MERTK: variants seen among roughly 807,000 people sequenced by gnomAD.
MERTK encodes tyrosine-protein kinase Mer.
Under a neutral mutation model 99.3 loss-of-function variants are expected in MERTK, and 69 were observed. The ratio of observed to expected loss-of-function variants is 0.70; its 90% confidence interval spans 0.57 to 0.85. The LOEUF (loss-of-function observed/expected upper bound fraction) is 0.85. MERTK is among the 40% of genes least tolerant of loss of function. MERTK has a pLI of 0.00. For missense variants in MERTK, 1,125 were observed against 1,249.4 expected, an observed-to-expected ratio of 0.90 and a Z score of 1.50; for synonymous variants, 426 against 467.6, an observed-to-expected ratio of 0.91 and a Z score of 1.15.
chr2:111,904,081 A>G (rs1245767073), intron 1 of MERTK, among the ~76,000 whole-genome samples: 1 of 152,026 alleles, frequency 6.6e-6, no homozygotes, highest in African/African-American at 2.4e-5. Context: ...GTTTCCTAGT[A>G]GTTTGAGCAA....
intron 2 of MERTK, chr2:111,941,017 G>A (rs1026430272): frequency 7.5e-5 from 41 of 547,102 alleles, no homozygotes; most frequent in African/African-American, 3.8e-4. Flanking sequence ...GTCAAGAGCC[G>A]TCAGCTTTCA....
chr2:111,940,671 A>AT lies in MERTK; in HGVS notation c.483-4286dup, dbSNP rs556895457. ...TAAAATCAGGATTATTTACGTCCAA[A>AT]TTTATCAATGGTTCTGCATTTTTAG... On this transcript the variant is annotated intron_variant, in intron 2 of 18. Coordinates refer to ENST00000295408, the MANE Select transcript of MERTK (RefSeq NM_006343.3). The AT allele has an allele frequency of 1.0e-4, 73 of 725,510 alleles. No homozygotes were observed. In the East Asian group the frequency reaches 2.0e-3, roughly 20 times the overall value. 44.9% of individuals were successfully genotyped at this position (725,510 alleles called of 1,614,324 possible).
chr2:112,007,856 T>G (rs1446849313), intron 13 of MERTK, among the ~76,000 whole-genome samples: 5 of 85,768 alleles, frequency 5.8e-5, no homozygotes, highest in Non-Finnish European at 1.0e-4. Context: ...GTGTTGGGGT[T>G]TTTTTTTTGG....
chr2:111,986,872 T>G (rs531562384), intron 8 of MERTK, among the ~76,000 whole-genome samples: 2 of 152,292 alleles, frequency 1.3e-5, no homozygotes, highest in East Asian at 3.9e-4. Flanking sequence ...AAACATTCTC[T>G]GATGCAGCTA....
chr2:111,969,338 T>C (rs1676032217), intron 6 of MERTK, among the ~76,000 whole-genome samples: 1 of 152,102 alleles, frequency 6.6e-6, no homozygotes, highest in African/African-American at 2.4e-5. Flanking sequence ...AGCTCTTCCG[T>C]CTCAGGAGGG....
At chr2:111,944,424 G>A (rs1684920570) in intron 2 of MERTK, among the ~76,000 whole-genome samples, 1 of 1,872 alleles carries the variant, frequency 5.3e-4, no homozygotes, top group South Asian at 0.028. Flanking sequence ...GAGAGAGAAA[G>A]AGGAATTATT....
intron 11 of MERTK, among the ~76,000 whole-genome samples, chr2:112,001,625 A>G (rs1413371673): frequency 6.6e-6 from 1 of 152,206 alleles, no homozygotes; most frequent in African/African-American, 2.4e-5. Context: ...CTCAAGCCTC[A>G]TTTCCTGTTT....
chr2:111,998,446 G>A (rs1676798147), intron 10 of MERTK, among the ~76,000 whole-genome samples: 1 of 152,160 alleles, frequency 6.6e-6, no homozygotes, highest in African/African-American at 2.4e-5. Context: ...GCGGTAGCCT[G>A]GAATACAGTG....
At position 111,932,282 on chromosome 2, in the gene MERTK, T is replaced by C. The variant is rs565654107; in HGVS notation, c.482+2742T>C. 9.5e-4 allele frequency among the ~76,000 whole-genome samples: 144 copies of C among 152,188 alleles called. 1 individual carries two copies. The highest frequency in any genetic ancestry group is 3.2e-3 in the African/African-American group (131 of 41,534). On this transcript the variant is annotated intron_variant, in intron 2 of 18. Transcript: ENST00000295408. ...CTGCAAACTCTGCCTCCCAGGTTCA[T>C]GCCATTCTCCTGCCTCAGCCTCCCG...
At chr2:111,961,858 C>G (rs1003920151) in intron 4 of MERTK, among the ~76,000 whole-genome samples, 1 of 152,240 alleles carries the variant, frequency 6.6e-6, no homozygotes, top group African/African-American at 2.4e-5. Context: ...GTAGTGACCA[C>G]TTGGCTGCAG....
chr2:111,979,072 G>A (rs558723804), intron 7 of MERTK, among the ~76,000 whole-genome samples: 9 of 152,218 alleles, frequency 5.9e-5, no homozygotes, highest in African/African-American at 1.4e-4. Context: ...TAACTGTTTC[G>A]TGTGGTTCTT....
At chr2:111,940,821 C>CT in intron 2 of MERTK, 1 of 990,054 alleles carries the variant, frequency 1.0e-6, no homozygotes, top group South Asian at 1.3e-5. Context: ...GATCTTGAAT[C>CT]TTTAAACGAC....
At chr2:111,902,785 CCTT>C (rs1684068723) in intron 1 of MERTK, among the ~76,000 whole-genome samples, 5 of 63,876 alleles carry the variant, frequency 7.8e-5, no homozygotes, top group African/African-American at 1.6e-4. Context: ...TTCCTTCCTT[CCTT>C]CCTCCCTCCC....
intron 1 of MERTK, among the ~76,000 whole-genome samples, chr2:111,906,072 T>A (rs1163923796): frequency 2.8e-4 from 2 of 7,074 alleles, no homozygotes; most frequent in Non-Finnish European, 0.021. Flanking sequence ...CTCCTTGTAC[T>A]CTGTGCCTCC....
chr2:111,980,815 T>G (rs577275598), intron 7 of MERTK, among the ~76,000 whole-genome samples: 1 of 152,330 alleles, frequency 6.6e-6, no homozygotes, highest in African/African-American at 2.4e-5. Context: ...TGCTCTGTGA[T>G]TCTTTGGGAG....
At chr2:111,935,079 A>G (rs1046716164) in intron 2 of MERTK, among the ~76,000 whole-genome samples, 3 of 152,210 alleles carry the variant, frequency 2.0e-5, no homozygotes, top group Non-Finnish European at 2.9e-5. Flanking sequence ...TACTCTAAGG[A>G]AAGCTGTAAC....
rs564248063 is a variant in MERTK at position 112,010,424 on chromosome 2, A to G, written c.2079+358A>G. Reference sequence around the variant, plus strand: ...GAAGGCCATTGAAGGTGGCTCTCCTAAAAGAAATTTTACAGAGCTCATTCT... The same window carrying G: ...GAAGGCCATTGAAGGTGGCTCTCCTGAAAGAAATTTTACAGAGCTCATTCT... On this transcript the variant is annotated intron_variant, in intron 15 of 18. Transcript: ENST00000295408. Among the ~76,000 whole-genome samples the G allele has an allele frequency of 5.3e-5, 8 of 152,300 alleles. No individual in the cohort carries two copies. In the South Asian group the frequency reaches 1.7e-3, roughly 32 times the overall value.
At chr2:111,929,013 C>A in intron 1 of MERTK, 107 bp from the exon 2 acceptor site, 2 of 1,088,962 alleles carry the variant, frequency 1.8e-6, no homozygotes, top group Non-Finnish European at 2.8e-6. Context: ...TTTCCTGGGG[C>A]ACAGAGGACA....
chr2:111,998,171 A>G (rs1243931344), intron 10 of MERTK, among the ~76,000 whole-genome samples: 1 of 152,216 alleles, frequency 6.6e-6, no homozygotes, highest in Non-Finnish European at 1.5e-5. Context: ...ATTTGTGTTC[A>G]TCCCAGTCTT....
Sources: allele counts gnomAD v4.1 joint callset (sites outside exome capture counted in the v4.1 genomes callset), GRCh38; gene constraint gnomAD v4.1.1; transcripts MANE v1.5; gene names NCBI Gene and HGNC (gene_info 2026-07-23, HGNC 2026-07-21).